GNAI3: variants seen among roughly 807,000 people sequenced by gnomAD.
GNAI3 encodes the protein guanine nucleotide-binding protein G(i) subunit alpha-3.
In GNAI3, 12 loss-of-function variants were observed where a neutral mutation model predicts 41.8. That is an observed-to-expected ratio of 0.29 (90% CI 0.18 to 0.47). The LOEUF (loss-of-function observed/expected upper bound fraction) is 0.47, where lower values mean the gene tolerates loss of function less well. Ranked by LOEUF, GNAI3 falls within the 20% of genes least tolerant of loss-of-function variation. GNAI3 has a pLI of 1.00. For missense variants in GNAI3, 360 were observed against 429.6 expected, an observed-to-expected ratio of 0.84 and a Z score of 1.43; for synonymous variants, 132 against 146.5, an observed-to-expected ratio of 0.90 and a Z score of 0.71.
rs1410209880 is a variant in GNAI3 at position 109,595,125 on chromosome 1, C to T, written c.*2803C>T. 1 of 152,120 alleles carries T rather than the reference C, an allele frequency of 6.6e-6. No homozygotes were observed. The highest frequency in any genetic ancestry group is 6.5e-5 in the Admixed American group (1 of 15,272). 9.4% of individuals were successfully genotyped at this position (152,120 alleles called of 1,614,324 possible). A position where few individuals can be genotyped will look rare whatever the true frequency, so the allele number is the denominator to read the frequency against. ...AGCTGAAAGTTGCCTTGTGTGTTTCCTCTGAAGAATGCTGGAGATTTGTGA... is the reference window on the plus strand; with the variant it reads ...AGCTGAAAGTTGCCTTGTGTGTTTCTTCTGAAGAATGCTGGAGATTTGTGA... On this transcript the variant is annotated 3_prime_UTR_variant, in exon 9 of 9. Coordinates refer to ENST00000369851, the MANE Select transcript of GNAI3 (RefSeq NM_006496.4).
chr1:109,577,035 T>C (rs1358584713), intron 3 of GNAI3, among the ~76,000 whole-genome samples: 1 of 149,624 alleles, frequency 6.7e-6, no homozygotes, highest in African/African-American at 2.5e-5. Context: ...TTTTTTAAAG[T>C]AGTGCTTAAT....
At chr1:109,558,396 C>T (rs1276085183) in intron 1 of GNAI3, among the ~76,000 whole-genome samples, 1 of 152,070 alleles carries the variant, frequency 6.6e-6, no homozygotes, top group Admixed American at 6.6e-5. Flanking sequence ...GCACTCTAGC[C>T]TGGGCGACAG....
intron 4 of GNAI3, 113 bp downstream of exon 4, chr1:109,579,474 A>G: frequency 3.4e-6 from 2 of 583,028 alleles, no homozygotes; most frequent in Non-Finnish European, 5.6e-6. Context: ...AGACGTTTAT[A>G]GGATACTTTA....
At chr1:109,587,471 C>T (rs1254672606) in intron 7 of GNAI3, among the ~76,000 whole-genome samples, 1 of 152,036 alleles carries the variant, frequency 6.6e-6, no homozygotes, top group African/African-American at 2.4e-5. Context: ...TAGTCTTTTT[C>T]TAGAGCTACT....
At chr1:109,590,649 C>T (rs917666686) in intron 7 of GNAI3, among the ~76,000 whole-genome samples, 1 of 151,398 alleles carries the variant, frequency 6.6e-6, no homozygotes, top group African/African-American at 2.4e-5. Context: ...GATCTCGGCT[C>T]ACTGCAACCT....
At chr1:109,555,975 T>C (rs541924387) in intron 1 of GNAI3, among the ~76,000 whole-genome samples, 26,357 of 117,058 alleles carry the variant, frequency 0.23, 2,916 homozygotes, top group Admixed American at 0.4. Flanking sequence ...TGTGTGTGTG[T>C]GTGTGTGTGT....
intron 1 of GNAI3, among the ~76,000 whole-genome samples, chr1:109,556,540 T>C (rs565124646): frequency 1.1e-4 from 17 of 152,358 alleles, no homozygotes; most frequent in African/African-American, 4.1e-4. Flanking sequence ...TTTTCTCTAC[T>C]TGAGATGGCT....
chr1:109,583,613 G>A (rs1045866194), intron 5 of GNAI3, among the ~76,000 whole-genome samples: 2 of 151,748 alleles, frequency 1.3e-5, no homozygotes, highest in African/African-American at 4.8e-5. Context: ...ATGGAGTCTT[G>A]CTCTGTTGCC....
intron 1 of GNAI3, among the ~76,000 whole-genome samples, chr1:109,572,357 G>C (rs1225172260): frequency 6.6e-6 from 1 of 152,136 alleles, no homozygotes; most frequent in East Asian, 1.9e-4. Context: ...AGGAGATTGA[G>C]GAGTGAAGTA....
Position 109,590,810 on chromosome 1 carries a change from C to T in GNAI3, c.875-1233C>T, listed in dbSNP as rs113949449. Among the ~76,000 whole-genome samples the T allele has an allele frequency of 5.6e-3, 852 of 152,260 alleles. 7 individuals are homozygous for T. Among genetic ancestry groups the T allele is most frequent in the African/African-American group, 0.02 (831 of 41,522 alleles). ...TGAACTCCTGACCTCAAGCGATCCACCTGCTGCGGCCCCCAAAGTGCAGGG... is the reference window on the plus strand; with the variant it reads ...TGAACTCCTGACCTCAAGCGATCCATCTGCTGCGGCCCCCAAAGTGCAGGG... On this transcript the variant is annotated intron_variant, in intron 7 of 8. Coordinates refer to ENST00000369851, the MANE Select transcript of GNAI3 (RefSeq NM_006496.4).
chr1:109,583,793 G>A (rs574767789), intron 5 of GNAI3, among the ~76,000 whole-genome samples: 4 of 141,134 alleles, frequency 2.8e-5, no homozygotes, highest in Non-Finnish European at 4.6e-5. Context: ...GGCTTTTACC[G>A]TGTTAGCCAG....
Position 109,573,950 on chromosome 1 carries a change from T to C in GNAI3, c.216T>C (p.Val72=). 1 of 1,607,094 alleles carries C rather than the reference T, an allele frequency of 6.2e-7. No homozygotes were observed. Among genetic ancestry groups the C allele is most frequent in the South Asian group, 1.1e-5 (1 of 90,856 alleles). Residue 72 remains valine (V), a synonymous_variant, in exon 3 of 9, where the codon GTT becomes GTC. Transcript: ENST00000369851. ...ATGAATGTAAACAATATAAAGTAGT[T>C]GTCTACAGCAATACTATACAGTCCA... ...SEDECKQYKV[V]VYSNTIQSII...
rs377415361 is a variant in GNAI3, at chr1:109,598,896, T to C, written c.*6574T>C. ...CTTCTGGAATCTGTGCTCTGGGGGC[T>C]GTGCCGGGTAGAGAGGGCAGTGGGA... On this transcript the variant is annotated 3_prime_UTR_variant, in exon 9 of 9. Transcript: ENST00000369851. The C allele has an allele frequency of 3.6e-5, 19 of 534,670 alleles. No individual in the cohort carries two copies. The highest frequency in any genetic ancestry group is 1.6e-4 in the Admixed American group (8 of 51,582). 33.1% of individuals were successfully genotyped at this position (534,670 alleles called of 1,614,324 possible).
At chr1:109,557,434 A>G (rs1648187081) in intron 1 of GNAI3, among the ~76,000 whole-genome samples, 1 of 152,164 alleles carries the variant, frequency 6.6e-6, no homozygotes, top group African/African-American at 2.4e-5. Context: ...ACTTAATAGA[A>G]TGCTAAAGTG....
chr1:109,564,345 G>GT (rs141860969), intron 1 of GNAI3, among the ~76,000 whole-genome samples: 4,290 of 149,548 alleles, frequency 0.029, 212 homozygotes, highest in African/African-American at 0.099. Flanking sequence ...CCATCCGTTT[G>GT]TTTTTTTTTG....
At chr1:109,576,007 T>G (rs924924542) in intron 3 of GNAI3, among the ~76,000 whole-genome samples, 1 of 152,218 alleles carries the variant, frequency 6.6e-6, no homozygotes, top group South Asian at 2.1e-4. Flanking sequence ...TTGCTTTTTA[T>G]TTTTCCTTCT....
At position 109,597,443 on chromosome 1, in the gene GNAI3, CA is replaced by C. The variant is rs1479321853; in HGVS notation, c.*5122del. On this transcript the variant is annotated 3_prime_UTR_variant, in exon 9 of 9. Coordinates refer to ENST00000369851, the MANE Select transcript of GNAI3 (RefSeq NM_006496.4). ...CACCACTGAATTCCAGCCTGGGCGACAGAGTGAGTCTGTTTTTTTTTTGTTT... is the reference window on the plus strand; with the variant it reads ...CACCACTGAATTCCAGCCTGGGCGACGAGTGAGTCTGTTTTTTTTTTGTTT... 1 of 151,890 alleles carries C rather than the reference CA, an allele frequency of 6.6e-6. No homozygotes were observed. The highest frequency in any genetic ancestry group is 1.5e-5 in the Non-Finnish European group (1 of 67,980). 9.4% of individuals were successfully genotyped at this position (151,890 alleles called of 1,614,324 possible).
intron 1 of GNAI3, among the ~76,000 whole-genome samples, chr1:109,561,457 A>G (rs181414436): frequency 6.6e-6 from 1 of 152,212 alleles, no homozygotes; most frequent in African/African-American, 2.4e-5. Flanking sequence ...CATTTTATTT[A>G]GATTTCAGCA....
At position 109,599,040 on chromosome 1, in the gene GNAI3, A is replaced by T; in HGVS notation, c.*6718A>T. On this transcript the variant is annotated 3_prime_UTR_variant, in exon 9 of 9. Coordinates refer to ENST00000369851, the MANE Select transcript of GNAI3 (RefSeq NM_006496.4). ...AATGCTGTTATGTCTCACCGTGGGG[A>T]TGGGAAGGAATACTCTGTTTTGGAC... is the stretch of plus-strand genomic sequence containing the variant. The T allele has an allele frequency of 2.0e-6, 1 of 512,618 alleles. No homozygotes were observed. The highest frequency in any genetic ancestry group is 4.1e-6 in the Non-Finnish European group (1 of 243,412). The allele number at this position is 512,618 out of a possible 1,614,324, so 31.8% of individuals were successfully genotyped here. A position where few individuals can be genotyped will look rare whatever the true frequency, so the allele number is the denominator to read the frequency against.
Sources: gnomAD v4.1 joint callset for allele counts (sites outside exome capture counted in the v4.1 genomes callset) on GRCh38, gnomAD v4.1.1 for gene constraint, MANE v1.5 for transcripts, NCBI Gene and HGNC (gene_info 2026-07-23, HGNC 2026-07-21) for gene names.